The following PDE7A variants were observed in gnomAD, a reference collection of about 807,000 sequenced individuals.
The protein encoded by PDE7A is high affinity 3',5'-cyclic-AMP phosphodiesterase 7A.
A neutral mutation model predicts 64.3 loss-of-function variants in PDE7A; 39 were observed. The observed-to-expected ratio is 0.61, with a 90% CI of 0.47 to 0.79. The LOEUF is 0.79. Ranked by LOEUF, PDE7A falls within the 30% of genes least tolerant of loss-of-function variation. The pLI, the probability that PDE7A is intolerant of heterozygous loss-of-function variation, is 0.00. For synonymous variants in PDE7A, 203 were observed against 206.8 expected (o/e 0.98, Z 0.16); for missense variants, 470 against 582.8 (o/e 0.81, Z 1.99).
chr8:65,753,505 C>A (rs1232948936), intron 3 of PDE7A, among the ~76,000 whole-genome samples: 1 of 152,146 alleles, frequency 6.6e-6, no homozygotes, highest in Non-Finnish European at 1.5e-5. Flanking sequence ...TCAGGGTGAG[C>A]TCCCCACCCT....
intron 1 of PDE7A, among the ~76,000 whole-genome samples, chr8:65,838,030 TA>T (rs572753100): frequency 0.085 from 12,220 of 142,990 alleles, 518 homozygotes; most frequent in Middle Eastern, 0.13. Context: ...AAATATTTCT[TA>T]AAAAAAAAAA....
intron 1 of PDE7A, among the ~76,000 whole-genome samples, chr8:65,827,553 TCCAAACATTATAACACTATA>T (rs1313644097): frequency 6.6e-6 from 1 of 152,216 alleles, no homozygotes; most frequent in African/African-American, 2.4e-5. Context: ...AGCATATTCC[TCCAAACATTATAACACTATA>T]CAGTCATGTG....
Position 65,841,994 on chromosome 8 carries a change from G to GCC in PDE7A, c.-487_-486insGG. On this transcript the variant is annotated 5_prime_UTR_variant, in exon 1 of 13. Coordinates refer to ENST00000401827, the MANE Select transcript of PDE7A (RefSeq NM_001242318.3). ...CGCCGCCGCCGCCGCCGCCGCCGCC[G>GCC]GAGTCCTGCTCCTCCCCTCCCCCGG... The GCC allele has an allele frequency of 3.9e-6, 1 of 258,278 alleles. No individual in the cohort carries two copies. The highest frequency in any genetic ancestry group is 5.5e-5 in the Admixed American group (1 of 18,308). The allele number at this position is 258,278 out of a possible 1,614,324, so 16.0% of individuals were successfully genotyped here.
At chr8:65,840,966 A>C (rs1201542971) in intron 1 of PDE7A, among the ~76,000 whole-genome samples, 1 of 152,198 alleles carries the variant, frequency 6.6e-6, no homozygotes, top group Non-Finnish European at 1.5e-5. Context: ...CGAACCCCGT[A>C]CAGTTGTGTG....
chr8:65,833,780 A>G (rs950671057), intron 1 of PDE7A, among the ~76,000 whole-genome samples: 5 of 152,136 alleles, frequency 3.3e-5, no homozygotes, highest in Non-Finnish European at 5.9e-5. Context: ...CATGGGCAAC[A>G]TGGCAAAACC....
At chr8:65,742,963 A>G (rs1807508477) in intron 5 of PDE7A, among the ~76,000 whole-genome samples, 1 of 152,200 alleles carries the variant, frequency 6.6e-6, no homozygotes, top group Non-Finnish European at 1.5e-5. Flanking sequence ...ACTGCTGGCT[A>G]TTTCTTCTGC....
chr8:65,724,377 T>C (rs946243098), intron 10 of PDE7A, 26 bp from the exon 11 acceptor site: 1 of 1,500,308 alleles, frequency 6.7e-7, no homozygotes. Flanking sequence ...TTAATATTGT[T>C]TTAAGATATA....
chr8:65,715,215 AT>A lies in PDE7A; in HGVS notation c.*4074del, dbSNP rs938355847. Among the ~76,000 whole-genome samples the A allele has an allele frequency of 2.0e-5, 3 of 152,082 alleles. No homozygotes were observed. The highest frequency in any genetic ancestry group is 7.2e-5 in the African/African-American group (3 of 41,400). ...GTTTCCTAAAATTTTTTAGAAAAAA[AT>A]ATTCCAGTAATATAGGTCGTATTTA... is the stretch of plus-strand genomic sequence containing the variant. On this transcript the variant is annotated 3_prime_UTR_variant, in exon 13 of 13. Coordinates refer to ENST00000401827, the MANE Select transcript of PDE7A (RefSeq NM_001242318.3).
At chr8:65,794,592 T>C (rs747023115) in intron 1 of PDE7A, among the ~76,000 whole-genome samples, 24 of 152,210 alleles carry the variant, frequency 1.6e-4, no homozygotes, top group Non-Finnish European at 3.1e-4. Flanking sequence ...TGTCCATAAT[T>C]GCCTGTCTCT....
intron 7 of PDE7A, chr8:65,727,662 T>A (rs1227941884): frequency 5.9e-6 from 1 of 169,834 alleles, no homozygotes; most frequent in African/African-American, 2.4e-5. Flanking sequence ...TTTATTACTG[T>A]AGCCATTACT....
At chr8:65,827,667 C>T (rs76278395) in intron 1 of PDE7A, among the ~76,000 whole-genome samples, 1,635 of 152,170 alleles carry the variant, frequency 0.011, 36 homozygotes, top group African/African-American at 0.038. Context: ...TTTAGTGTAT[C>T]TTTTCTATGT....
chr8:65,778,650 C>T (rs368585659), intron 3 of PDE7A, among the ~76,000 whole-genome samples: 9 of 152,054 alleles, frequency 5.9e-5, no homozygotes, highest in Admixed American at 3.3e-4. Context: ...TCCGAGGCCC[C>T]GAGTGTCCCT....
At chr8:65,782,643 C>T in intron 2 of PDE7A, 140 bp downstream of exon 2, 1 of 571,834 alleles carries the variant, frequency 1.7e-6, no homozygotes, top group Non-Finnish European at 3.1e-6. Flanking sequence ...ATATTGGTTT[C>T]CAGACTCTAA....
chr8:65,763,272 C>T (rs2128915659), intron 3 of PDE7A, among the ~76,000 whole-genome samples: 1 of 152,064 alleles, frequency 6.6e-6, no homozygotes, highest in South Asian at 2.1e-4. Context: ...AGACATAAAA[C>T]CCTATAAAAA....
intron 1 of PDE7A, chr8:65,789,048 G>T: frequency 6.7e-7 from 1 of 1,501,954 alleles, no homozygotes; most frequent in Non-Finnish European, 9.0e-7. Context: ...AAAGAGAGGG[G>T]ACACTGACTG....
chr8:65,757,257 C>T (rs902855193), intron 3 of PDE7A, among the ~76,000 whole-genome samples: 32 of 152,094 alleles, frequency 2.1e-4, no homozygotes, highest in African/African-American at 7.5e-4. Context: ...GAGGCCTGCT[C>T]CTGAGGCCTG....
intron 4 of PDE7A, 113 bp downstream of exon 4, chr8:65,747,539 A>G (rs1331803515): frequency 1.7e-6 from 1 of 585,274 alleles, no homozygotes; most frequent in African/African-American, 1.9e-5. Flanking sequence ...AATAGGCTCA[A>G]CTGCTTTTCA....
At chr8:65,732,160 A>C (rs1356514224) in intron 7 of PDE7A, among the ~76,000 whole-genome samples, 1 of 151,886 alleles carries the variant, frequency 6.6e-6, no homozygotes, top group Non-Finnish European at 1.5e-5. Context: ...CACCATGCCC[A>C]GCTAATTTTT....
chr8:65,765,030 A>G (rs1306127097), intron 3 of PDE7A, among the ~76,000 whole-genome samples: 1 of 152,230 alleles, frequency 6.6e-6, no homozygotes, highest in Non-Finnish European at 1.5e-5. Context: ...AAATATACTC[A>G]GTCTCTACTA....
Sources: gnomAD v4.1 joint callset for allele counts (sites outside exome capture counted in the v4.1 genomes callset) on GRCh38, gnomAD v4.1.1 for gene constraint, MANE v1.5 for transcripts, NCBI Gene and HGNC (gene_info 2026-07-23, HGNC 2026-07-21) for gene names.